The following ETFA variants were observed in gnomAD, a reference collection of about 807,000 sequenced individuals.
The protein encoded by ETFA is electron transfer flavoprotein subunit alpha, mitochondrial.
A neutral mutation model predicts 46.2 loss-of-function variants in ETFA; 22 were observed. That is an observed-to-expected ratio of 0.48 (90% CI 0.34 to 0.68). ETFA has a LOEUF of 0.68. Ranked by LOEUF, ETFA falls within the 30% of genes least tolerant of loss-of-function variation. The pLI, the probability that ETFA is intolerant of heterozygous loss-of-function variation, is 0.01. For missense variants in ETFA, 345 were observed against 401.1 expected, an observed-to-expected ratio of 0.86 and a Z score of 1.19; for synonymous variants, 131 against 139.9, an observed-to-expected ratio of 0.94 and a Z score of 0.45.
chr15:76,251,759 T>A (rs552907712), intron 9 of ETFA, among the ~76,000 whole-genome samples: 2 of 152,178 alleles, frequency 1.3e-5, no homozygotes, highest in African/African-American at 4.8e-5. Flanking sequence ...GTTCTACAAC[T>A]AGATCACTAG....
intron 11 of ETFA, among the ~76,000 whole-genome samples, chr15:76,223,330 G>A (rs1424599680): frequency 6.8e-6 from 1 of 147,710 alleles, no homozygotes; most frequent in Non-Finnish European, 1.5e-5. Context: ...TGATTCTTGT[G>A]CCCCAGCCTC....
At chr15:76,267,430 G>A (rs551561437) in intron 9 of ETFA, among the ~76,000 whole-genome samples, 46 of 152,200 alleles carry the variant, frequency 3.0e-4, no homozygotes, top group Middle Eastern at 3.4e-3. Context: ...TAATTTGGCC[G>A]GTTTTGTTGG....
chr15:76,249,600 C>A (rs906555021), intron 9 of ETFA, among the ~76,000 whole-genome samples: 1 of 151,912 alleles, frequency 6.6e-6, no homozygotes, highest in Non-Finnish European at 1.5e-5. Flanking sequence ...CGCCACCACG[C>A]CCAGCTAATT....
chr15:76,287,785 T>C, intron 5 of ETFA, 61 bp downstream of exon 5: 2 of 1,160,338 alleles, frequency 1.7e-6, no homozygotes, highest in Non-Finnish European at 2.6e-6. Context: ...ATCTTCAAGA[T>C]TAATTTATGC....
intron 11 of ETFA, among the ~76,000 whole-genome samples, chr15:76,225,413 C>T (rs1311390650): frequency 2.6e-5 from 4 of 152,044 alleles, no homozygotes; most frequent in Admixed American, 6.6e-5. Context: ...CTCAGCCTCC[C>T]GAGTAGCTGG....
At chr15:76,287,484 T>A (rs2039714433) in intron 5 of ETFA, among the ~76,000 whole-genome samples, 1 of 152,212 alleles carries the variant, frequency 6.6e-6, no homozygotes, top group South Asian at 2.1e-4. Flanking sequence ...AATTTCTTAA[T>A]GCCTATGGAA....
chr15:76,301,865 C>G (rs942375625), intron 1 of ETFA, among the ~76,000 whole-genome samples: 14 of 152,034 alleles, frequency 9.2e-5, no homozygotes, highest in Admixed American at 2.6e-4. Flanking sequence ...AATGAACAAT[C>G]TGATTTAAAT....
chr15:76,262,925 T>G (rs1301059170), intron 9 of ETFA, among the ~76,000 whole-genome samples: 1 of 152,156 alleles, frequency 6.6e-6, no homozygotes, highest in African/African-American at 2.4e-5. Flanking sequence ...TTAAAAGTGC[T>G]GGGGGGAACT....
At chr15:76,268,738 A>T (rs537892860) in intron 9 of ETFA, among the ~76,000 whole-genome samples, 1 of 152,330 alleles carries the variant, frequency 6.6e-6, no homozygotes, top group South Asian at 2.1e-4. Context: ...AATATGTAAG[A>T]GGCATTCAAA....
intron 9 of ETFA, among the ~76,000 whole-genome samples, chr15:76,237,562 A>C (rs1261655440): frequency 6.6e-6 from 1 of 152,168 alleles, no homozygotes; most frequent in Admixed American, 6.5e-5. Context: ...CAAATTATTC[A>C]ATCTCTCAAA....
chr15:76,216,703 T>G (rs989270585), intron 11 of ETFA, 106 bp from the exon 12 acceptor site: 27 of 782,118 alleles, frequency 3.5e-5, no homozygotes, highest in Non-Finnish European at 5.5e-5. Flanking sequence ...CACAAATCAC[T>G]GTTGAGGCAC....
intron 9 of ETFA, chr15:76,259,195 G>A: frequency 6.5e-7 from 1 of 1,531,144 alleles, no homozygotes; most frequent in Admixed American, 1.7e-5. Context: ...TCCCCGCTAG[G>A]CAGCTCCAGG....
intron 9 of ETFA, among the ~76,000 whole-genome samples, chr15:76,233,155 A>G (rs2039086530): frequency 6.6e-6 from 1 of 152,148 alleles, no homozygotes; most frequent in South Asian, 2.1e-4. Flanking sequence ...AAGCAATTGC[A>G]TGCTCTGTGA....
At chr15:76,300,057 C>T (rs1324829297) in intron 1 of ETFA, among the ~76,000 whole-genome samples, 2 of 152,288 alleles carry the variant, frequency 1.3e-5, no homozygotes, top group East Asian at 3.9e-4. Flanking sequence ...TACCAACAAA[C>T]CCTTTTCAGG....
At chr15:76,240,719 GT>G (rs569794516) in intron 9 of ETFA, among the ~76,000 whole-genome samples, 1,663 of 149,552 alleles carry the variant, frequency 0.011, 26 homozygotes, top group African/African-American at 0.038. Context: ...CCTGAAACAA[GT>G]TTTTTTTTTC....
intron 8 of ETFA, among the ~76,000 whole-genome samples, chr15:76,277,488 T>C (rs1392413470): frequency 1.7e-5 from 2 of 120,480 alleles, no homozygotes; most frequent in African/African-American, 3.1e-5. Context: ...CTGGAGTTTT[T>C]TGTCAAAAAC....
intron 9 of ETFA, among the ~76,000 whole-genome samples, chr15:76,249,366 G>A (rs990020332): frequency 1.3e-5 from 2 of 150,090 alleles, no homozygotes; most frequent in African/African-American, 4.9e-5. Context: ...AACCTCAGGT[G>A]ATCCTTGCAC....
chr15:76,304,697 G>A (rs1305718373), intron 1 of ETFA, among the ~76,000 whole-genome samples: 1 of 148,786 alleles, frequency 6.7e-6, no homozygotes, highest in Non-Finnish European at 1.5e-5. Flanking sequence ...AAAAAATACA[G>A]CAATGATAAA....
intron 1 of ETFA, among the ~76,000 whole-genome samples, chr15:76,305,810 G>C (rs1434682875): frequency 6.6e-6 from 1 of 151,292 alleles, no homozygotes; most frequent in Admixed American, 6.6e-5. Context: ...CTTCATTATG[G>C]CTAAGTCCAA....
Sources: gnomAD v4.1 joint callset for allele counts (sites outside exome capture counted in the v4.1 genomes callset) on GRCh38, gnomAD v4.1.1 for gene constraint, MANE v1.5 for transcripts, NCBI Gene and HGNC (gene_info 2026-07-23, HGNC 2026-07-21) for gene names.